TSG101: variants seen among roughly 807,000 people sequenced by gnomAD.
TSG101 encodes the protein tumor susceptibility gene 101 protein.
Under a neutral mutation model 48.5 loss-of-function variants are expected in TSG101, and 19 were observed. That is an observed-to-expected ratio of 0.39 (90% CI 0.27 to 0.58). The LOEUF is 0.58. Ranked by LOEUF, TSG101 falls within the 20% of genes least tolerant of loss-of-function variation. The probability of loss-of-function intolerance (pLI) is 0.55; values close to 1 mark genes in which losing one functional copy is unlikely to be tolerated. For missense variants in TSG101, 365 were observed against 484.4 expected, an observed-to-expected ratio of 0.75 and a Z score of 2.31; for synonymous variants, 174 against 169.4, an observed-to-expected ratio of 1.03 and a Z score of -0.21.
At position 18,519,724 on chromosome 11, in the gene TSG101, T is replaced by G. The variant is rs1850237683; in HGVS notation, c.43-121A>C. ...ACATTAATGAAAGCCTGAAAGAACC[T>G]AAAAAACCCATAATACTATTATCAC... is the stretch of plus-strand genomic sequence containing the variant. On this transcript the variant is annotated intron_variant, in intron 1 of 9. Transcript: ENST00000251968. The G allele has an allele frequency of 1.3e-5, 9 of 673,152 alleles. No individual in the cohort carries two copies. The East Asian group carries it at 2.4e-4, about 18-fold the overall frequency. The allele number at this position is 673,152 out of a possible 1,614,324, so 41.7% of individuals were successfully genotyped here. A position where few individuals can be genotyped will look rare whatever the true frequency, so the allele number is the denominator to read the frequency against.
At chr11:18,522,880 C>T (rs1850302219) in intron 1 of TSG101, among the ~76,000 whole-genome samples, 1 of 152,054 alleles carries the variant, frequency 6.6e-6, no homozygotes, top group Non-Finnish European at 1.5e-5. Flanking sequence ...ATGTTCTTAC[C>T]CCAGATTGTT....
At chr11:18,526,409 C>A (rs1850374549) in intron 1 of TSG101, among the ~76,000 whole-genome samples, 1 of 151,976 alleles carries the variant, frequency 6.6e-6, no homozygotes, top group Non-Finnish European at 1.5e-5. Context: ...TAGAGGATTG[C>A]CTCAGATCTA....
chr11:18,483,295 G>A (rs1849571667), intron 8 of TSG101, among the ~76,000 whole-genome samples: 1 of 151,994 alleles, frequency 6.6e-6, no homozygotes. Flanking sequence ...AGGAGTTCGG[G>A]ACGAGCCTGG....
chr11:18,484,878 T>C (rs1221722165), intron 7 of TSG101, among the ~76,000 whole-genome samples: 2 of 152,126 alleles, frequency 1.3e-5, no homozygotes, highest in Non-Finnish European at 2.9e-5. Flanking sequence ...CTTTTAATTA[T>C]GTTTGATTAT....
intron 7 of TSG101, among the ~76,000 whole-genome samples, chr11:18,500,567 T>C (rs529876208): frequency 1.3e-5 from 2 of 152,182 alleles, no homozygotes; most frequent in Non-Finnish European, 2.9e-5. Context: ...TTATCTGCAT[T>C]TTCCTGATGA....
intron 7 of TSG101, among the ~76,000 whole-genome samples, chr11:18,498,197 T>C (rs1464476411): frequency 6.6e-6 from 1 of 151,786 alleles, no homozygotes; most frequent in Non-Finnish European, 1.5e-5. Flanking sequence ...GGAGATGAGG[T>C]CAGAAAAGTA....
intron 7 of TSG101, among the ~76,000 whole-genome samples, chr11:18,496,319 A>G (rs1057033620): frequency 6.6e-6 from 1 of 151,414 alleles, no homozygotes; most frequent in African/African-American, 2.4e-5. Flanking sequence ...GCACATGCCT[A>G]TAGTCTCAGC....
chr11:18,513,546 T>C (rs1055444257), intron 4 of TSG101, among the ~76,000 whole-genome samples: 19 of 152,130 alleles, frequency 1.2e-4, no homozygotes, highest in African/African-American at 4.6e-4. Flanking sequence ...GCAATCCTCC[T>C]GCCTCAGCTT....
intron 1 of TSG101, among the ~76,000 whole-genome samples, chr11:18,521,551 T>G: frequency 6.6e-6 from 1 of 151,012 alleles, no homozygotes; most frequent in Non-Finnish European, 1.5e-5. Context: ...AAATTTTTCA[T>G]AGAGACAGGA....
At chr11:18,493,975 G>A (rs150570292) in intron 7 of TSG101, among the ~76,000 whole-genome samples, 108 of 152,168 alleles carry the variant, frequency 7.1e-4, no homozygotes, top group African/African-American at 2.4e-3. Flanking sequence ...AGAAAAATGC[G>A]CTTTACTTGA....
In TSG101 at chr11:18,482,968, G is replaced by A. The variant is rs1001036333; in HGVS notation, c.843+902C>T. Among the ~76,000 whole-genome samples, 61 of 152,126 alleles carry A rather than the reference G, an allele frequency of 4.0e-4. 3 individuals carry two copies. Among genetic ancestry groups the A allele is most frequent in the Admixed American group, 3.8e-3 (58 of 15,268 alleles). ...CTAGGGCAAAGGTGTGATAAGGTTT[G>A]GCTGTGTCCCCACCCAAATCTCAAC... On this transcript the variant is annotated intron_variant, in intron 8 of 9. Transcript: ENST00000251968.
At chr11:18,481,344 C>A in intron 9 of TSG101, 1 of 1,125,282 alleles carries the variant, frequency 8.9e-7, no homozygotes, top group Non-Finnish European at 1.1e-6. Context: ...GAAATCTGAT[C>A]GTACCTCCTG....
intron 6 of TSG101, 35 bp from the exon 7 acceptor site, chr11:18,502,612 GATGACCCAACCTTATAGT>G (rs775397230): frequency 6.5e-7 from 1 of 1,528,008 alleles, no homozygotes; most frequent in Non-Finnish European, 9.0e-7. Flanking sequence ...TAACATTTAA[GATGACCCAACCTTATAGT>G]ATTTTGAAGA....
At chr11:18,484,942 T>TTC (rs1849597804) in intron 7 of TSG101, among the ~76,000 whole-genome samples, 1 of 143,046 alleles carries the variant, frequency 7.0e-6, no homozygotes, top group East Asian at 2.0e-4. Flanking sequence ...CGCCTTTTTT[T>TTC]TTTTTTTTTT....
chr11:18,496,493 A>AAAATAAAAT (rs1849784875), intron 7 of TSG101, among the ~76,000 whole-genome samples: 1 of 147,398 alleles, frequency 6.8e-6, no homozygotes, highest in African/African-American at 2.5e-5. Flanking sequence ...AAAATAAAAT[A>AAAATAAAAT]AAATAAAATA....
intron 4 of TSG101, 114 bp from the exon 5 acceptor site, chr11:18,509,779 C>T (rs901940973): frequency 8.8e-7 from 1 of 1,135,766 alleles, no homozygotes; most frequent in Non-Finnish European, 1.2e-6. Flanking sequence ...CTTTGTAGGA[C>T]CCCAATCATG....
intron 2 of TSG101, among the ~76,000 whole-genome samples, chr11:18,516,829 T>C (rs1009390038): frequency 5.3e-5 from 8 of 151,536 alleles, no homozygotes; most frequent in Non-Finnish European, 1.0e-4. Context: ...TAATCCCAGC[T>C]ACTCGGAAGG....
intron 4 of TSG101, among the ~76,000 whole-genome samples, chr11:18,510,280 G>A (rs570589186): frequency 6.6e-6 from 1 of 152,172 alleles, no homozygotes; most frequent in African/African-American, 2.4e-5. Flanking sequence ...AATTAGCCGG[G>A]TGTGGTGATG....
In TSG101 at chr11:18,499,346, TTA is replaced by T. The variant is rs1263884612; in HGVS notation, c.640+3138_640+3139del. ...TTTATATATTTATATTTATGTATAT[TTA>T]TATATGTTTATATATAAATATGTTT... On this transcript the variant is annotated intron_variant, in intron 7 of 9. Transcript: ENST00000251968. 1.6e-3 allele frequency among the ~76,000 whole-genome samples: 144 copies of T among 90,266 alleles called. 3 individuals carry two copies. Among genetic ancestry groups the T allele is most frequent in the Admixed American group, 0.014 (79 of 5,824 alleles). The allele number at this position is 90,266 out of a possible 152,430, so 59.2% of individuals were successfully genotyped here. A position where few individuals can be genotyped will look rare whatever the true frequency, so the allele number is the denominator to read the frequency against.
Sources: gnomAD v4.1 joint callset for allele counts (sites outside exome capture counted in the v4.1 genomes callset) on GRCh38, gnomAD v4.1.1 for gene constraint, MANE v1.5 for transcripts, NCBI Gene and HGNC (gene_info 2026-07-23, HGNC 2026-07-21) for gene names.